Variants in SEMA3A observed in about 807,000 individuals in gnomAD.
The protein encoded by SEMA3A is semaphorin-3A.
A neutral mutation model predicts 97.9 loss-of-function variants in SEMA3A; 29 were observed. The ratio of observed to expected loss-of-function variants is 0.30; its 90% CI spans 0.22 to 0.40. SEMA3A has a LOEUF of 0.40. Among genes scored for constraint, SEMA3A ranks in the 10% least tolerant of loss-of-function variants. The pLI, the probability that SEMA3A is intolerant of heterozygous loss-of-function variation, is 1.00. For synonymous variants in SEMA3A, 321 were observed against 323.7 expected (o/e 0.99, Z 0.09); for missense variants, 763 against 951.3 (o/e 0.80, Z 2.60).
intron 2 of SEMA3A, among the ~76,000 whole-genome samples, chr7:84,313,181 A>G (rs1048539663): frequency 6.9e-6 from 1 of 145,660 alleles, no homozygotes; most frequent in African/African-American, 2.5e-5. Context: ...GGAAAGACTT[A>G]AAGCTGTCAT....
chr7:84,371,821 T>C (rs1226711535), intron 2 of SEMA3A: 2 of 152,006 alleles, frequency 1.3e-5, no homozygotes, highest in Non-Finnish European at 2.9e-5. Context: ...TCCTCACACT[T>C]ACCTGCTAAA....
At chr7:84,397,756 G>C (rs1157420690) in intron 1 of SEMA3A, among the ~76,000 whole-genome samples, 1 of 151,986 alleles carries the variant, frequency 6.6e-6, no homozygotes, top group Non-Finnish European at 1.5e-5. Flanking sequence ...GCACCATGAA[G>C]AGGAGTCAGA....
At chr7:83,975,723 T>G (rs1467800691) in intron 15 of SEMA3A, among the ~76,000 whole-genome samples, 2 of 152,174 alleles carry the variant, frequency 1.3e-5, no homozygotes, top group Non-Finnish European at 2.9e-5. Context: ...CTTCCAGTAA[T>G]TATCATTAAC....
chr7:84,206,600 G>A (rs1320063717), intron 3 of SEMA3A, among the ~76,000 whole-genome samples: 1 of 151,892 alleles, frequency 6.6e-6, no homozygotes, highest in Non-Finnish European at 1.5e-5. Flanking sequence ...GGGATTACAG[G>A]CGTGAGCCAC....
rs1788344061 is a variant in SEMA3A at position 83,958,322 on chromosome 7, G to A, written c.*3049C>T. On this transcript the variant is annotated 3_prime_UTR_variant, in exon 17 of 17. Coordinates refer to ENST00000265362, the MANE Select transcript of SEMA3A (RefSeq NM_006080.3). Reference sequence around the variant, plus strand: ...TTAACACCATATGTTATAGGGAACAGTAAAGACATCTGAATTCAAATATTT... The same window carrying A: ...TTAACACCATATGTTATAGGGAACAATAAAGACATCTGAATTCAAATATTT... The A allele has an allele frequency of 2.0e-5, 3 of 152,486 alleles. No homozygotes were observed. The allele number at this position is 152,486 out of a possible 1,614,324, so 9.4% of individuals were successfully genotyped here. A position where few individuals can be genotyped will look rare whatever the true frequency, so the allele number is the denominator to read the frequency against.
At chr7:84,203,521 TATATA>T (rs1477737929) in intron 3 of SEMA3A, among the ~76,000 whole-genome samples, 12 of 67,128 alleles carry the variant, frequency 1.8e-4, no homozygotes, top group Non-Finnish European at 3.5e-4. Flanking sequence ...TATATATATA[TATATA>T]TTTTTTTTTT....
chr7:84,286,283 A>G (rs373834049), intron 3 of SEMA3A, among the ~76,000 whole-genome samples: 3 of 152,148 alleles, frequency 2.0e-5, no homozygotes, highest in East Asian at 3.9e-4. Flanking sequence ...TCACATATTG[A>G]GTTCACATTG....
intron 2 of SEMA3A, among the ~76,000 whole-genome samples, chr7:84,360,924 T>A (rs939201545): frequency 1.3e-5 from 2 of 151,966 alleles, no homozygotes; most frequent in Non-Finnish European, 2.9e-5. Flanking sequence ...TAAACAACAC[T>A]CTACAAATCT....
chr7:84,369,936 G>A (rs953859645), intron 2 of SEMA3A, among the ~76,000 whole-genome samples: 2 of 150,592 alleles, frequency 1.3e-5, no homozygotes, highest in Non-Finnish European at 3.0e-5. Flanking sequence ...GGCTGGACCT[G>A]TTATTTAAAG....
intron 1 of SEMA3A, among the ~76,000 whole-genome samples, chr7:84,399,002 C>G (rs1212636738): frequency 1.3e-5 from 2 of 152,068 alleles, no homozygotes; most frequent in Non-Finnish European, 1.5e-5. Flanking sequence ...AGTACCTGGT[C>G]TTAGCATAAT....
Position 84,290,307 on chromosome 7 carries a change from G to C in SEMA3A, c.-83+16900C>G, listed in dbSNP as rs575575343. Reference sequence around the variant, plus strand: ...ACCAAACCAACCAAACAAAAAAACTGTCTGTGTCCTTGGCTCATCTAGAAT... The same window carrying C: ...ACCAAACCAACCAAACAAAAAAACTCTCTGTGTCCTTGGCTCATCTAGAAT... On this transcript the variant is annotated intron_variant, in intron 3 of 3. Transcript: ENST00000424555. Among the ~76,000 whole-genome samples, 7 of 152,038 alleles carry C rather than the reference G, an allele frequency of 4.6e-5. No individual in the cohort carries two copies. The South Asian group carries it at 1.0e-3, about 23-fold the overall frequency.
chr7:84,232,540 C>A (rs1357900680), intron 3 of SEMA3A, among the ~76,000 whole-genome samples: 1 of 151,348 alleles, frequency 6.6e-6, no homozygotes, highest in Non-Finnish European at 1.5e-5. Context: ...AAGAATATAA[C>A]TATCCCTTTG....
intron 1 of SEMA3A, among the ~76,000 whole-genome samples, chr7:84,420,773 G>T (rs893232473): frequency 6.6e-6 from 1 of 151,984 alleles, no homozygotes; most frequent in Non-Finnish European, 1.5e-5. Context: ...TAGTTTATTT[G>T]CCTAGAGGTG....
intron 4 of SEMA3A, among the ~76,000 whole-genome samples, chr7:84,075,197 A>G (rs1222683026): frequency 6.9e-6 from 1 of 145,294 alleles, no homozygotes; most frequent in East Asian, 2.0e-4. Context: ...TTTTTTTGAG[A>G]CAGAGTTTTG....
At chr7:84,388,503 T>A (rs1339890333) in intron 1 of SEMA3A, among the ~76,000 whole-genome samples, 3 of 152,008 alleles carry the variant, frequency 2.0e-5, no homozygotes, top group Admixed American at 6.6e-5. Context: ...CTTTAAAAAA[T>A]TTTTCAATTT....
At chr7:84,122,410 A>C (rs577572545) in intron 3 of SEMA3A, among the ~76,000 whole-genome samples, 7 of 152,252 alleles carry the variant, frequency 4.6e-5, no homozygotes, top group Non-Finnish European at 1.0e-4. Flanking sequence ...GGCAATCATT[A>C]AAAAGTCATA....
At chr7:84,066,321 A>G (rs1281010577) in intron 4 of SEMA3A, among the ~76,000 whole-genome samples, 1 of 152,022 alleles carries the variant, frequency 6.6e-6, no homozygotes, top group Non-Finnish European at 1.5e-5. Context: ...ATCATACTGA[A>G]TGGGCAAAAC....
At chr7:84,198,656 T>G (rs1798291462), upstream of SEMA3A, among the ~76,000 whole-genome samples, 1 of 152,252 alleles carries the variant, frequency 6.6e-6, no homozygotes, top group Non-Finnish European at 1.5e-5. Flanking sequence ...GTGTCTAATA[T>G]GTTCTAACAA....
chr7:84,380,147 A>G (rs972927428), intron 1 of SEMA3A, among the ~76,000 whole-genome samples: 8 of 152,216 alleles, frequency 5.3e-5, no homozygotes, highest in Admixed American at 3.3e-4. Flanking sequence ...TTAATTATTT[A>G]CATCATAACA....
Sources: gnomAD v4.1 joint callset for allele counts (sites outside exome capture counted in the v4.1 genomes callset) on GRCh38, gnomAD v4.1.1 for gene constraint, MANE v1.5 for transcripts, NCBI Gene and HGNC (gene_info 2026-07-23, HGNC 2026-07-21) for gene names.